The following CDH12 variants were observed in gnomAD, a reference collection of about 807,000 sequenced individuals.
The protein encoded by CDH12 is cadherin-12.
A neutral mutation model predicts 74.1 loss-of-function variants in CDH12; 41 were observed. That is an observed-to-expected ratio of 0.55 (90% CI 0.43 to 0.72). The LOEUF is 0.72. Among genes scored for constraint, CDH12 ranks in the 30% least tolerant of loss-of-function variants. CDH12 has a pLI of 0.00. For missense variants in CDH12, 945 were observed against 977.2 expected (o/e 0.97, Z 0.44); for synonymous variants, 399 against 355.0 (o/e 1.12, Z -1.39).
At chr5:21,980,806 C>CTATG (rs1757273582) in intron 5 of CDH12, among the ~76,000 whole-genome samples, 1 of 151,994 alleles carries the variant, frequency 6.6e-6, no homozygotes, top group Non-Finnish European at 1.5e-5. Context: ...TTCATAGGTA[C>CTATG]TATGGTACAC....
At chr5:22,636,377 T>C (rs1738841425) in intron 1 of CDH12, among the ~76,000 whole-genome samples, 1 of 152,194 alleles carries the variant, frequency 6.6e-6, no homozygotes, top group Non-Finnish European at 1.5e-5. Flanking sequence ...AATATTCATA[T>C]TGGCATTATT....
At position 22,352,811 on chromosome 5, in the gene CDH12, T is replaced by A. The variant is rs565947362; in HGVS notation, c.-333+52446A>T. On this transcript the variant is annotated intron_variant, in intron 3 of 14. Coordinates refer to ENST00000382254, the MANE Select transcript of CDH12 (RefSeq NM_004061.5). ...ACTGGAACTGGCAAAAATATTTATTTAGAAACTGTTGAGTTAGTCTATCTA... is the reference window on the plus strand; with the variant it reads ...ACTGGAACTGGCAAAAATATTTATTAAGAAACTGTTGAGTTAGTCTATCTA... 5.9e-5 allele frequency among the ~76,000 whole-genome samples: 9 copies of A among 152,290 alleles called. No homozygotes were observed. In the South Asian group the frequency reaches 1.7e-3, roughly 28 times the overall value.
chr5:22,659,913 T>A (rs1740258572), intron 1 of CDH12, among the ~76,000 whole-genome samples: 1 of 152,156 alleles, frequency 6.6e-6, no homozygotes, highest in Non-Finnish European at 1.5e-5. Context: ...ATTTAACATA[T>A]ATAGAATATG....
At chr5:22,422,734 G>T (rs1743709263) in intron 2 of CDH12, among the ~76,000 whole-genome samples, 1 of 152,030 alleles carries the variant, frequency 6.6e-6, no homozygotes, top group African/African-American at 2.4e-5. Context: ...ACAGTCATTT[G>T]TCCTTCTTGA....
chr5:22,625,660 T>C (rs1040784128), intron 1 of CDH12, among the ~76,000 whole-genome samples: 2 of 152,180 alleles, frequency 1.3e-5, no homozygotes, highest in Admixed American at 1.3e-4. Flanking sequence ...GCCTGTCCTA[T>C]CTGAGTGGCC....
At chr5:22,507,845 C>G (rs968044104) in intron 1 of CDH12, among the ~76,000 whole-genome samples, 1 of 152,168 alleles carries the variant, frequency 6.6e-6, no homozygotes, top group Admixed American at 6.5e-5. Context: ...CACGGTGCTG[C>G]CATCCCTTCA....
chr5:22,171,247 A>G (rs895227320), intron 4 of CDH12, among the ~76,000 whole-genome samples: 1 of 151,844 alleles, frequency 6.6e-6, no homozygotes, highest in East Asian at 1.9e-4. Context: ...TAACGCTGAG[A>G]TAACAATTCC....
chr5:21,753,535 C>G (rs1245828184), intron 14 of CDH12, among the ~76,000 whole-genome samples: 1 of 152,124 alleles, frequency 6.6e-6, no homozygotes, highest in Non-Finnish European at 1.5e-5. Context: ...AAAAGGGACC[C>G]AAGCACCATA....
At chr5:22,058,096 G>C (rs977743852) in intron 5 of CDH12, among the ~76,000 whole-genome samples, 1 of 150,386 alleles carries the variant, frequency 6.6e-6, no homozygotes, top group Non-Finnish European at 1.5e-5. Context: ...TTGCTCTGTC[G>C]CCCAGGCTGG....
At position 22,346,434 on chromosome 5, in the gene CDH12, T is replaced by C. The variant is rs554797174; in HGVS notation, c.-333+58823A>G. Reference sequence around the variant, plus strand: ...CCTAATTGGTTCATTGTGGCCCAAATTGAAAACAAACAAATCACATCATTG... The same window carrying C: ...CCTAATTGGTTCATTGTGGCCCAAACTGAAAACAAACAAATCACATCATTG... On this transcript the variant is annotated intron_variant, in intron 3 of 14. Coordinates refer to ENST00000382254, the MANE Select transcript of CDH12 (RefSeq NM_004061.5). Among the ~76,000 whole-genome samples, 404 of 152,310 alleles carry C rather than the reference T, an allele frequency of 2.7e-3. 2 individuals are homozygous for C. Among genetic ancestry groups the C allele is most frequent in the African/African-American group, 9.5e-3 (395 of 41,572 alleles).
chr5:22,834,910 G>A (rs1221525553), intron 1 of CDH12, among the ~76,000 whole-genome samples: 1 of 151,932 alleles, frequency 6.6e-6, no homozygotes, highest in Non-Finnish European at 1.5e-5. Context: ...AAAGAGTGAG[G>A]AAGGAGAGTA....
At chr5:22,001,814 T>C (rs911730816) in intron 5 of CDH12, among the ~76,000 whole-genome samples, 27 of 152,204 alleles carry the variant, frequency 1.8e-4, no homozygotes, top group Non-Finnish European at 8.8e-5. Context: ...TTTACGATCA[T>C]AAAAAAGAAA....
intron 8 of CDH12, among the ~76,000 whole-genome samples, chr5:21,826,118 C>CT (rs1748658030): frequency 6.6e-6 from 1 of 152,252 alleles, no homozygotes; most frequent in Admixed American, 6.5e-5. Context: ...TCATCTCTCC[C>CT]TTTTGCTTCA....
chr5:21,829,657 T>C (rs1268504986), intron 8 of CDH12, among the ~76,000 whole-genome samples: 2 of 152,160 alleles, frequency 1.3e-5, no homozygotes, highest in Admixed American at 1.3e-4. Flanking sequence ...TAGAGAAATG[T>C]AAACCATGTG....
chr5:21,913,938 T>C (rs9293003), intron 6 of CDH12, among the ~76,000 whole-genome samples: 146,607 of 152,226 alleles, frequency 0.96, 70,739 homozygotes, highest in East Asian at 1. Context: ...CCTGCCTCAG[T>C]CTCCCAAAAT....
chr5:22,456,107 T>TAATATATATATATATA (rs930081484), intron 2 of CDH12, among the ~76,000 whole-genome samples: 1 of 147,814 alleles, frequency 6.8e-6, no homozygotes, highest in African/African-American at 2.5e-5. Context: ...CATGTGGATA[T>TAATATATATATATATA]TATATATATA....
chr5:22,022,862 C>T (rs1179268652), intron 5 of CDH12, among the ~76,000 whole-genome samples: 1 of 152,056 alleles, frequency 6.6e-6, no homozygotes, highest in African/African-American at 2.4e-5. Context: ...CATAAATTTA[C>T]TTGTTTGTTT....
At chr5:21,822,739 GC>G (rs1748443475) in intron 8 of CDH12, among the ~76,000 whole-genome samples, 2 of 152,088 alleles carry the variant, frequency 1.3e-5, no homozygotes, top group African/African-American at 4.8e-5. Flanking sequence ...AAATTACTTC[GC>G]TTTTGAGATG....
At chr5:22,848,009 G>A (rs1341969995) in intron 1 of CDH12, among the ~76,000 whole-genome samples, 2 of 151,980 alleles carry the variant, frequency 1.3e-5, no homozygotes, top group Non-Finnish European at 2.9e-5. Context: ...TCAGCCTCCT[G>A]AGTAGCTGGG....
Sources: gnomAD v4.1 joint callset for allele counts (sites outside exome capture counted in the v4.1 genomes callset) on GRCh38, gnomAD v4.1.1 for gene constraint, MANE v1.5 for transcripts, NCBI Gene and HGNC (gene_info 2026-07-23, HGNC 2026-07-21) for gene names.